AGBL1: variants seen among roughly 807,000 people sequenced by gnomAD.
The protein encoded by AGBL1 is AGBL carboxypeptidase 1.
A neutral mutation model predicts 118.9 loss-of-function variants in AGBL1; 130 were observed. That is an observed-to-expected ratio of 1.09 (90% CI 0.95 to 1.26). The LOEUF is 1.26. Among genes scored for constraint, AGBL1 ranks in the 50% most tolerant of loss-of-function variants. The pLI is 0.00. For synonymous variants in AGBL1, 555 were observed against 478.9 expected, an observed-to-expected ratio of 1.16 and a Z score of -2.08; for missense variants, 1,584 against 1,298.1, an observed-to-expected ratio of 1.22 and a Z score of -3.38.
At chr15:86,141,903 C>T in intron 1 of AGBL1, 101 bp from the exon 2 acceptor site, 1 of 1,195,344 alleles carries the variant, frequency 8.4e-7, no homozygotes, top group Admixed American at 2.2e-5. Flanking sequence ...TAATCTTTCT[C>T]CATGACAGGA....
At chr15:87,020,136 A>C (rs761941447) in intron 24 of AGBL1, among the ~76,000 whole-genome samples, 15 of 152,142 alleles carry the variant, frequency 9.9e-5, no homozygotes, top group Non-Finnish European at 1.9e-4. Context: ...TACCAATCAA[A>C]AAAAGCCCAG....
chr15:86,132,445 A>C (rs1345357162), intron 1 of AGBL1, among the ~76,000 whole-genome samples: 1 of 152,214 alleles, frequency 6.6e-6, no homozygotes, highest in Non-Finnish European at 1.5e-5. Context: ...GGTGGTAGAC[A>C]CCTGGAAGTG....
chr15:86,492,225 T>C, intron 18 of AGBL1, among the ~76,000 whole-genome samples: 1 of 152,118 alleles, frequency 6.6e-6, no homozygotes, highest in East Asian at 1.9e-4. Context: ...GTAGCATCTG[T>C]AAGGTGATTG....
intron 21 of AGBL1, among the ~76,000 whole-genome samples, chr15:86,619,870 A>G (rs2084780253): frequency 6.6e-6 from 1 of 152,216 alleles, no homozygotes; most frequent in Non-Finnish European, 1.5e-5. Context: ...TGAAATGTAC[A>G]TGCACACGCA....
At chr15:86,418,453 A>G (rs1013904468) in intron 18 of AGBL1, among the ~76,000 whole-genome samples, 1 of 152,100 alleles carries the variant, frequency 6.6e-6, no homozygotes, top group Non-Finnish European at 1.5e-5. Context: ...AATTCCCAAA[A>G]TTGTTCTTGG....
intron 24 of AGBL1, among the ~76,000 whole-genome samples, chr15:86,994,453 A>AGG (rs2081362258): frequency 6.6e-6 from 1 of 152,142 alleles, no homozygotes; most frequent in Non-Finnish European, 1.5e-5. Context: ...AGAGAGAGAG[A>AGG]AAAGAGAAAA....
intron 23 of AGBL1, among the ~76,000 whole-genome samples, chr15:86,922,955 G>A (rs1596638166): frequency 1.3e-5 from 2 of 152,292 alleles, no homozygotes; most frequent in Admixed American, 6.5e-5. Flanking sequence ...TGACCAGGAG[G>A]AGATGTTCAA....
intron 17 of AGBL1, among the ~76,000 whole-genome samples, chr15:86,382,376 T>C (rs537065643): frequency 3.3e-5 from 5 of 152,280 alleles, no homozygotes; most frequent in Admixed American, 2.6e-4. Flanking sequence ...GGCCTAAATG[T>C]GTCACTAATA....
intron 18 of AGBL1, among the ~76,000 whole-genome samples, chr15:86,447,082 T>C (rs773402374): frequency 2.0e-5 from 3 of 152,214 alleles, no homozygotes; most frequent in Non-Finnish European, 4.4e-5. Context: ...GTTTATCTGG[T>C]GATTCTGATG....
intron 21 of AGBL1, among the ~76,000 whole-genome samples, chr15:86,618,781 A>G (rs1007254367): frequency 2.0e-5 from 3 of 152,114 alleles, no homozygotes; most frequent in African/African-American, 4.8e-5. Flanking sequence ...TGGTAAAGAC[A>G]TGGAGTTTTT....
At chr15:86,300,250 C>T (rs1312461802) in intron 17 of AGBL1, among the ~76,000 whole-genome samples, 2 of 152,142 alleles carry the variant, frequency 1.3e-5, no homozygotes, top group African/African-American at 4.8e-5. Flanking sequence ...ACATTGCTCT[C>T]ACAACCTCGC....
intron 18 of AGBL1, among the ~76,000 whole-genome samples, chr15:86,474,795 C>A (rs1387719335): frequency 6.6e-6 from 1 of 151,650 alleles, no homozygotes; most frequent in Non-Finnish European, 1.5e-5. Flanking sequence ...GGTCCCTGAT[C>A]CTTGAGTAGC....
At chr15:86,419,023 A>G (rs2081745027) in intron 18 of AGBL1, among the ~76,000 whole-genome samples, 1 of 152,148 alleles carries the variant, frequency 6.6e-6, no homozygotes, top group African/African-American at 2.4e-5. Context: ...TGAGTAGATC[A>G]TAGATGGCAA....
In AGBL1 at chr15:86,279,798, A is replaced by T. The variant is rs768950601; in HGVS notation, c.2220+15A>T. ...CAGCCCTCATGGTAACTTCCTCTTTATAGCATCACTCCAGCAGGACTGAAG... is the reference window on the plus strand; with the variant it reads ...CAGCCCTCATGGTAACTTCCTCTTTTTAGCATCACTCCAGCAGGACTGAAG... On this transcript the variant is annotated intron_variant, in intron 16 of 22. Coordinates refer to ENST00000614907, the MANE Select transcript of AGBL1 (RefSeq NM_001386094.1). The T allele has an allele frequency of 6.2e-7, 1 of 1,612,930 alleles. No individual in the cohort carries two copies.
At chr15:86,817,331 G>A (rs975885889) in intron 22 of AGBL1, among the ~76,000 whole-genome samples, 2 of 151,348 alleles carry the variant, frequency 1.3e-5, no homozygotes, top group Admixed American at 6.6e-5. Flanking sequence ...TAAGGCATGG[G>A]CCAAGCCTTC....
intron 21 of AGBL1, among the ~76,000 whole-genome samples, chr15:86,605,132 A>G (rs1476325852): frequency 2.6e-5 from 4 of 151,972 alleles, no homozygotes; most frequent in African/African-American, 7.2e-5. Context: ...AACTGGTGAC[A>G]TGAAGAATAT....
chr15:86,478,691 C>G (rs1426487311), intron 18 of AGBL1, among the ~76,000 whole-genome samples: 1 of 152,192 alleles, frequency 6.6e-6, no homozygotes, highest in Non-Finnish European at 1.5e-5. Flanking sequence ...CCATCCCCAT[C>G]AAGCTACCAA....
At chr15:86,191,584 A>G (rs182838187) in intron 5 of AGBL1, among the ~76,000 whole-genome samples, 174 of 152,182 alleles carry the variant, frequency 1.1e-3, no homozygotes, top group African/African-American at 4.1e-3. Context: ...ATCAAGAACA[A>G]CTGGTCTTTC....
intron 23 of AGBL1, chr15:86,946,464 G>T (rs116981160): frequency 3.3e-5 from 5 of 151,758 alleles, no homozygotes; most frequent in African/African-American, 1.2e-4. Context: ...TTCCATACAT[G>T]AACACATGAG....
Sources: gnomAD v4.1 joint callset for allele counts (sites outside exome capture counted in the v4.1 genomes callset) on GRCh38, gnomAD v4.1.1 for gene constraint, MANE v1.5 for transcripts, NCBI Gene and HGNC (gene_info 2026-07-23, HGNC 2026-07-21) for gene names.